Variants in DYM observed in about 807,000 individuals in gnomAD.
DYM encodes the protein dymeclin.
A neutral mutation model predicts 93.1 loss-of-function variants in DYM; 78 were observed. That is an observed-to-expected ratio of 0.84 (90% confidence interval 0.70 to 1.01). DYM has a LOEUF of 1.01. DYM is among the 50% of genes least tolerant of loss of function. The pLI is 0.00. For synonymous variants in DYM, 321 were observed against 319.7 expected, an observed-to-expected ratio of 1.00 and a Z score of -0.04; for missense variants, 789 against 845.0, an observed-to-expected ratio of 0.93 and a Z score of 0.82.
chr18:49,182,305 G>A (rs2145497523), intron 14 of DYM, among the ~76,000 whole-genome samples: 1 of 152,214 alleles, frequency 6.6e-6, no homozygotes, highest in East Asian at 1.9e-4. Flanking sequence ...ATGTCAACGA[G>A]GTGAAGTTGT....
chr18:49,089,993 C>T (rs1401862479), intron 17 of DYM, among the ~76,000 whole-genome samples: 2 of 152,180 alleles, frequency 1.3e-5, no homozygotes, highest in Admixed American at 1.3e-4. Context: ...GCTGTACCAA[C>T]ATCCTGCAAA....
Position 49,272,232 on chromosome 18 carries a change from T to G in DYM, c.1197A>C (p.Ile399=). The G allele has an allele frequency of 6.2e-7, 1 of 1,606,722 alleles. No homozygotes were observed. Among genetic ancestry groups the G allele is most frequent in the Non-Finnish European group, 8.5e-7 (1 of 1,173,522 alleles). Residue 399 remains isoleucine (I), a synonymous_variant, in exon 11 of 18, where the codon ATA becomes ATC. Transcript: ENST00000675505. ...CATCTTCCGTAAGGATCAACAATAT[T>G]ATAAGGGCCATATACACATGGTGTG... ...RNSHHVYMAL[I]ILLILTEDDG...
chr18:49,076,386 C>G (rs1443848369), intron 17 of DYM, among the ~76,000 whole-genome samples: 1 of 152,200 alleles, frequency 6.6e-6, no homozygotes, highest in Non-Finnish European at 1.5e-5. Context: ...GTGAAACATG[C>G]TATCGTAATA....
intron 5 of DYM, 35 bp from the exon 6 acceptor site, chr18:49,363,268 A>G: frequency 6.9e-7 from 1 of 1,446,892 alleles, no homozygotes; most frequent in Non-Finnish European, 9.7e-7. Flanking sequence ...TTTTTTAACA[A>G]AGTACACAGT....
chr18:49,324,316 GT>G (rs2039110834), intron 8 of DYM, among the ~76,000 whole-genome samples: 2 of 151,984 alleles, frequency 1.3e-5, no homozygotes, highest in South Asian at 4.1e-4. Flanking sequence ...TTCCAGTTGA[GT>G]CTGCATCAAA....
At position 49,063,619 on chromosome 18, in the gene DYM, C is replaced by CT. The variant is rs67482709; in HGVS notation, c.2026-19416dup. On this transcript the variant is annotated intron_variant, in intron 17 of 17. Transcript: ENST00000675505. ...GGTAGTAATTTCTTTCTTTCTCTCT[C>CT]TTTTTTTTTTTTTTTTTTTTTTTTT... Among the ~76,000 whole-genome samples, 342 of 71,850 alleles carry CT rather than the reference C, an allele frequency of 4.8e-3. 1 individual carries two copies. Among genetic ancestry groups the CT allele is most frequent in the South Asian group, 0.01 (17 of 1,686 alleles). 47.1% of individuals were successfully genotyped at this position (71,850 alleles called of 152,430 possible). A position where few individuals can be genotyped will look rare whatever the true frequency, so the allele number is the denominator to read the frequency against.
intron 15 of DYM, among the ~76,000 whole-genome samples, chr18:49,143,266 G>C (rs2084728311): frequency 6.6e-6 from 1 of 152,170 alleles, no homozygotes; most frequent in Non-Finnish European, 1.5e-5. Flanking sequence ...AGTGAAGTCT[G>C]TCTGACTTGC....
At position 49,363,221 on chromosome 18, in the gene DYM, T is replaced by C; in HGVS notation, c.434A>G (p.Glu145Gly). ...KSPGNYSSDS[E>G]DLLEELLCCL... ...GCACAGCAATTCTTCCAAAAGATCT[T>C]CTGAGTCAGAACCTGGTAAGACACA... The change falls in exon 6 of 18, where the codon GAA becomes GGA. Residue 145 changes from glutamate (E) to glycine (G), a missense_variant. Coordinates refer to ENST00000675505, the MANE Select transcript of DYM (RefSeq NM_001353214.3). The C allele has an allele frequency of 6.2e-7, 1 of 1,613,810 alleles. No individual in the cohort carries two copies. The highest frequency in any genetic ancestry group is 8.5e-7 in the Non-Finnish European group (1 of 1,179,798).
intron 8 of DYM, among the ~76,000 whole-genome samples, chr18:49,297,776 GAAC>G (rs1481446924): frequency 2.7e-5 from 4 of 150,936 alleles, no homozygotes; most frequent in African/African-American, 9.7e-5. Context: ...AATAGCCTTA[GAAC>G]AACAATGTTT....
chr18:49,164,316 C>T (rs2087588707), intron 14 of DYM, among the ~76,000 whole-genome samples: 1 of 152,098 alleles, frequency 6.6e-6, no homozygotes, highest in Non-Finnish European at 1.5e-5. Flanking sequence ...GACTAACTCT[C>T]CTGCTATCAC....
intron 15 of DYM, among the ~76,000 whole-genome samples, chr18:49,163,178 T>C (rs2087400133): frequency 6.6e-6 from 1 of 152,198 alleles, no homozygotes; most frequent in South Asian, 2.1e-4. Context: ...AGGTTGATTT[T>C]CTTCAACCAC....
At chr18:49,175,501 C>A (rs1207726291) in intron 14 of DYM, among the ~76,000 whole-genome samples, 1 of 152,130 alleles carries the variant, frequency 6.6e-6, no homozygotes, top group Admixed American at 6.6e-5. Context: ...CATTTAATTG[C>A]CTTACTAACC....
intron 4 of DYM, among the ~76,000 whole-genome samples, chr18:49,378,943 A>G (rs953444302): frequency 2.0e-5 from 3 of 152,158 alleles, no homozygotes; most frequent in African/African-American, 7.2e-5. Flanking sequence ...ATCTTTACTG[A>G]TGACTGTAGG....
In DYM at chr18:49,188,826, A is replaced by G. The variant is rs1158528324; in HGVS notation, c.1625+20725T>C. The stretch of plus-strand genomic sequence containing the variant: ...GCACATTGTGCACATGTACCCTAAA[A>G]CTTAAAGTATAATAATAAAAAAAAG... On this transcript the variant is annotated intron_variant, in intron 14 of 17. Coordinates refer to ENST00000675505, the MANE Select transcript of DYM (RefSeq NM_001353214.3). Among the ~76,000 whole-genome samples, 13 of 152,284 alleles carry G rather than the reference A, an allele frequency of 8.5e-5. 1 individual carries two copies. Among genetic ancestry groups the G allele is most frequent in the African/African-American group, 2.6e-4 (11 of 41,538 alleles).
intron 2 of DYM, among the ~76,000 whole-genome samples, chr18:49,411,126 C>T (rs1443855518): frequency 2.6e-5 from 4 of 152,032 alleles, no homozygotes; most frequent in East Asian, 1.9e-4. Context: ...TCCAATGTCA[C>T]GGTATAAGAA....
At chr18:49,096,667 A>T (rs2079572964) in intron 17 of DYM, among the ~76,000 whole-genome samples, 2 of 152,302 alleles carry the variant, frequency 1.3e-5, no homozygotes, top group Middle Eastern at 3.4e-3. Flanking sequence ...CTTATGGGAT[A>T]ATTAGTCTTG....
chr18:49,410,943 C>A (rs1317867415), intron 2 of DYM, among the ~76,000 whole-genome samples: 2 of 152,126 alleles, frequency 1.3e-5, no homozygotes, highest in East Asian at 3.9e-4. Context: ...TGTCCATATG[C>A]AAATAAATTT....
chr18:49,254,249 A>G lies in DYM; in HGVS notation c.1460+2761T>C, dbSNP rs373514926. 1.7e-4 allele frequency among the ~76,000 whole-genome samples: 26 copies of G among 149,058 alleles called. No homozygotes were observed. The East Asian group carries it at 3.0e-3, about 17-fold the overall frequency. ...TAAGATATAATAATATATATTTCAT[A>G]TAACATTCTGCTGTATAAAAGATCC... is the stretch of plus-strand genomic sequence containing the variant. On this transcript the variant is annotated intron_variant, in intron 13 of 17. Transcript: ENST00000675505.
chr18:49,075,501 G>A (rs2077227061), intron 17 of DYM, among the ~76,000 whole-genome samples: 1 of 152,188 alleles, frequency 6.6e-6, no homozygotes, highest in African/African-American at 2.4e-5. Flanking sequence ...ATGGAGCCAA[G>A]GAAATGTAGG....
Sources: gnomAD v4.1 joint callset for allele counts (sites outside exome capture counted in the v4.1 genomes callset) on GRCh38, gnomAD v4.1.1 for gene constraint, MANE v1.5 for transcripts, NCBI Gene and HGNC (gene_info 2026-07-23, HGNC 2026-07-21) for gene names.